AGMO: variants seen among roughly 807,000 people sequenced by gnomAD.
The protein encoded by AGMO is alkylglycerol monooxygenase.
A neutral mutation model predicts 60.2 loss-of-function variants in AGMO; 75 were observed. That is an observed-to-expected ratio of 1.25 (90% CI 1.03 to 1.51). The LOEUF is 1.51. AGMO is among the 40% of genes most tolerant of loss of function. The pLI, the probability that AGMO is intolerant of heterozygous loss-of-function variation, is 0.00. For synonymous variants in AGMO, 261 were observed against 177.1 expected (o/e 1.47, Z -3.76); for missense variants, 763 against 525.5 (o/e 1.45, Z -4.42).
chr7:15,215,346 A>C (rs1781705944), intron 12 of AGMO, among the ~76,000 whole-genome samples: 1 of 151,916 alleles, frequency 6.6e-6, no homozygotes, highest in African/African-American at 2.4e-5. Context: ...TGGAAATTTT[A>C]TTTTTCTTTT....
chr7:15,220,682 T>C (rs1346777378), intron 12 of AGMO, among the ~76,000 whole-genome samples: 1 of 151,926 alleles, frequency 6.6e-6, no homozygotes, highest in African/African-American at 2.4e-5. Context: ...TAAATTATCT[T>C]ATTAGAAAAT....
At chr7:15,374,004 A>G (rs958249279) in intron 10 of AGMO, among the ~76,000 whole-genome samples, 3 of 152,184 alleles carry the variant, frequency 2.0e-5, no homozygotes, top group Non-Finnish European at 2.9e-5. Flanking sequence ...GCCATTATTA[A>G]TATCTCTGCA....
At chr7:15,176,084 A>G in the AGMO span, among the ~76,000 whole-genome samples, 1 of 152,162 alleles carries the variant, frequency 6.6e-6, no homozygotes, top group South Asian at 2.1e-4. Context: ...ACTTTTTAAA[A>G]TTGCTATCAT....
the AGMO span, among the ~76,000 whole-genome samples, chr7:15,130,163 C>G: frequency 2.0e-5 from 3 of 152,012 alleles, no homozygotes; most frequent in East Asian, 5.8e-4. Flanking sequence ...TTTAAAATTG[C>G]TCTCTGTCCA....
chr7:15,425,566 G>A (rs2128496499), intron 4 of AGMO, among the ~76,000 whole-genome samples: 1 of 151,970 alleles, frequency 6.6e-6, no homozygotes, highest in Admixed American at 6.6e-5. Context: ...AGCCTCCTGA[G>A]TAGCTGGGAC....
chr7:15,366,339 G>T, intron 10 of AGMO, 117 bp from the exon 11 acceptor site: 1 of 603,602 alleles, frequency 1.7e-6, no homozygotes, highest in South Asian at 2.7e-5. Context: ...ACTTGTCATT[G>T]ACACTTTACA....
chr7:15,377,362 T>C (rs934912262), intron 10 of AGMO, among the ~76,000 whole-genome samples: 1 of 151,838 alleles, frequency 6.6e-6, no homozygotes, highest in Admixed American at 6.6e-5. Context: ...TTCGTCAATA[T>C]ATCTACATGA....
At chr7:15,194,842 C>A in the AGMO span, among the ~76,000 whole-genome samples, 3 of 152,172 alleles carry the variant, frequency 2.0e-5, no homozygotes, top group South Asian at 2.1e-4. Flanking sequence ...ATCTCCAATA[C>A]CCCCTGTCTA....
intron 2 of AGMO, among the ~76,000 whole-genome samples, chr7:15,558,130 G>A (rs1375326766): frequency 6.6e-6 from 1 of 150,780 alleles, no homozygotes. Context: ...ACACTGCTAA[G>A]CAAAAATATT....
At chr7:15,381,113 A>T (rs1191448320) in intron 10 of AGMO, among the ~76,000 whole-genome samples, 2 of 152,056 alleles carry the variant, frequency 1.3e-5, no homozygotes, top group Non-Finnish European at 2.9e-5. Context: ...CAGGACACAG[A>T]CAAAAACAAA....
chr7:15,321,304 T>C (rs962986410), intron 12 of AGMO, among the ~76,000 whole-genome samples: 9 of 152,222 alleles, frequency 5.9e-5, no homozygotes, highest in African/African-American at 1.9e-4. Context: ...AAACGGATGT[T>C]CTACATTATG....
At chr7:15,403,686 CTTA>C (rs1476003555) in intron 5 of AGMO, among the ~76,000 whole-genome samples, 1 of 151,872 alleles carries the variant, frequency 6.6e-6, no homozygotes, top group Admixed American at 6.6e-5. Flanking sequence ...TCTTTAAACA[CTTA>C]TTGTTTTACT....
At chr7:15,226,296 A>G (rs1402074988) in intron 12 of AGMO, among the ~76,000 whole-genome samples, 1 of 152,108 alleles carries the variant, frequency 6.6e-6, no homozygotes, top group Non-Finnish European at 1.5e-5. Flanking sequence ...AAAATTATGT[A>G]TGAGAATAAA....
chr7:15,505,150 T>C (rs1331734089), intron 3 of AGMO, among the ~76,000 whole-genome samples: 1 of 152,010 alleles, frequency 6.6e-6, no homozygotes, highest in Non-Finnish European at 1.5e-5. Flanking sequence ...GCCAAACTAC[T>C]ACATTTTTTC....
At chr7:15,205,808 G>A (rs1157312832) in intron 12 of AGMO, among the ~76,000 whole-genome samples, 1 of 151,954 alleles carries the variant, frequency 6.6e-6, no homozygotes, top group Non-Finnish European at 1.5e-5. Context: ...TAACTATTTT[G>A]TATTCTAAAC....
intron 12 of AGMO, among the ~76,000 whole-genome samples, chr7:15,328,086 G>GTCCT (rs1253048554): frequency 6.6e-6 from 1 of 151,366 alleles, no homozygotes; most frequent in Non-Finnish European, 1.5e-5. Context: ...AATACACTGA[G>GTCCT]TCCTTCCTTC....
chr7:15,440,313 A>T (rs1308678469), intron 3 of AGMO, among the ~76,000 whole-genome samples: 1 of 152,186 alleles, frequency 6.6e-6, no homozygotes, highest in Non-Finnish European at 1.5e-5. Context: ...AAGATTTCTA[A>T]ATACCACTCA....
At chr7:15,135,236 A>C in the AGMO span, among the ~76,000 whole-genome samples, 1 of 151,558 alleles carries the variant, frequency 6.6e-6, no homozygotes, top group Non-Finnish European at 1.5e-5. Flanking sequence ...TTTTTCTACC[A>C]ATCTGATAGC....
chr7:15,329,407 C>A (rs1781435309), intron 12 of AGMO, among the ~76,000 whole-genome samples: 1 of 152,122 alleles, frequency 6.6e-6, no homozygotes, highest in South Asian at 2.1e-4. Flanking sequence ...AAAAGAAACC[C>A]TTCAAGATTA....
Sources: gnomAD v4.1 joint callset for allele counts (sites outside exome capture counted in the v4.1 genomes callset) on GRCh38, gnomAD v4.1.1 for gene constraint, MANE v1.5 for transcripts, NCBI Gene and HGNC (gene_info 2026-07-23, HGNC 2026-07-21) for gene names.